The following EXOC7 variants were observed in gnomAD, a reference collection of about 807,000 sequenced individuals.
EXOC7 encodes the protein exocyst complex component Exo70.
Under a neutral mutation model 87.6 loss-of-function variants are expected in EXOC7, and 51 were observed. The ratio of observed to expected loss-of-function variants is 0.58; its 90% CI spans 0.46 to 0.73. The LOEUF (loss-of-function observed/expected upper bound fraction) is 0.73. Among genes scored for constraint, EXOC7 ranks in the 30% least tolerant of loss-of-function variants. EXOC7 has a pLI of 0.00. For missense variants in EXOC7, 744 were observed against 888.4 expected (o/e 0.84, Z 2.07); for synonymous variants, 327 against 357.1 (o/e 0.92, Z 0.95).
At position 76,101,770 on chromosome 17, in the gene EXOC7, G is replaced by A; in HGVS notation, c.220C>T (p.Gln74Ter). Residue 74 changes from glutamine to a stop codon, truncating the protein, a stop_gained, in exon 3 of 19, where the codon CAG becomes TAG. Transcript: ENST00000589210. LOFTEE classifies it high-confidence loss of function. ...HKQTENLQRLQENVEKTLSCL... is the reference protein window; with the variant it reads ...HKQTENLQRL ...GACAGCGTCTTCTCAACATTCTCCT[G>A]CAGCCGCTGCAGATTCTCCGTCTGC... 1 of 1,614,066 alleles carries A rather than the reference G, an allele frequency of 6.2e-7. No homozygotes were observed. Among genetic ancestry groups the A allele is most frequent in the Admixed American group, 1.7e-5 (1 of 60,014 alleles).
At chr17:76,088,714 A>G in intron 9 of EXOC7, 57 bp downstream of exon 9, 1 of 1,607,888 alleles carries the variant, frequency 6.2e-7, no homozygotes, top group Non-Finnish European at 8.5e-7. Context: ...TGGGGCGGCC[A>G]CACCCGGCAG....
chr17:76,097,545 A>G (rs1485356003), intron 5 of EXOC7, among the ~76,000 whole-genome samples: 3 of 151,804 alleles, frequency 2.0e-5, no homozygotes. Flanking sequence ...CTCTACTAAC[A>G]ATACAAAACT....
In EXOC7 at chr17:76,088,459, G is replaced by T; in HGVS notation, c.1299+5C>A. On this transcript the variant is annotated splice_donor_5th_base_variant and intron_variant, in intron 10 of 18. Transcript: ENST00000589210. ...GGGAGGGAGAAAGGGGAGGACAGCA[G>T]GGACCTTGATGTTGTCTGCGAAGTC... 6.2e-7 allele frequency: 1 copy of T among 1,613,044 alleles called. No individual in the cohort carries two copies. The highest frequency in any genetic ancestry group is 8.5e-7 in the Non-Finnish European group (1 of 1,179,340).
Position 76,082,529 on chromosome 17 carries a change from T to C in EXOC7, c.*1119A>G, listed in dbSNP as rs1212982084. On this transcript the variant is annotated 3_prime_UTR_variant, in exon 19 of 19. Coordinates refer to ENST00000589210, the MANE Select transcript of EXOC7 (RefSeq NM_001013839.4). ...GAGACTGCTGACCGCATCTTCTTCC[T>C]CGTGTATGTGGTTGGGGTGCTGTGC... 6.2e-7 allele frequency: 1 copy of C among 1,613,862 alleles called. No individual in the cohort carries two copies. The highest frequency in any genetic ancestry group is 1.1e-5 in the South Asian group (1 of 91,086).
Position 76,094,526 on chromosome 17 carries a change from T to G in EXOC7, c.696A>C (p.Lys232Asn). The G allele has an allele frequency of 2.5e-6, 4 of 1,614,032 alleles. No homozygotes were observed. Among genetic ancestry groups the G allele is most frequent in the Non-Finnish European group, 2.5e-6 (3 of 1,179,972 alleles). The stretch of plus-strand genomic sequence containing the variant: ...TCTTATGGAAATGCTCCTTCAGTCC[T>G]TTGATGGAGCGGTCCAGCTGGCTGG... ...IRSSQLDRSIKGLKEHFHKSS... is the reference protein window; with the variant it reads ...IRSSQLDRSINGLKEHFHKSS... The change falls in exon 6 of 19, where the codon AAA (lysine) becomes AAC (asparagine). Residue 232 changes from lysine (K) to asparagine (N), a missense_variant. Lys to Asn is a moderately conservative substitution (Grantham distance 94, BLOSUM62 0). This residue lies in a region of EXOC7 where 512 missense variants were observed against 573.0 expected (regional missense o/e 0.89). Transcript: ENST00000589210.
chr17:76,089,084 T>C lies in EXOC7; in HGVS notation c.1047+91A>G. The C allele has an allele frequency of 2.0e-6, 3 of 1,523,866 alleles. No homozygotes were observed. In the South Asian group the frequency reaches 3.4e-5, roughly 17 times the overall value. The allele number at this position is 1,523,866 out of a possible 1,614,324, so 94.4% of individuals were successfully genotyped here. A position where few individuals can be genotyped will look rare whatever the true frequency, so the allele number is the denominator to read the frequency against. Reference sequence around the variant, plus strand: ...CAGGACCGGTCCCCAGGGCACGAGGTGGTGGTGGTGGGTGGAGTTGAGGGC... The same window carrying C: ...CAGGACCGGTCCCCAGGGCACGAGGCGGTGGTGGTGGGTGGAGTTGAGGGC... On this transcript the variant is annotated intron_variant, in intron 8 of 18. Coordinates refer to ENST00000589210, the MANE Select transcript of EXOC7 (RefSeq NM_001013839.4).
intron 7 of EXOC7, chr17:76,090,530 C>G: frequency 6.5e-7 from 1 of 1,528,278 alleles, no homozygotes. Flanking sequence ...AAGGGGGCAT[C>G]GGAGAGGGCC....
chr17:76,081,792 TC>T lies in EXOC7; in HGVS notation c.*1855del. 4 of 1,613,246 alleles carry T rather than the reference TC, an allele frequency of 2.5e-6. No homozygotes were observed. The highest frequency in any genetic ancestry group is 3.4e-6 in the Non-Finnish European group (4 of 1,179,456). On this transcript the variant is annotated 3_prime_UTR_variant, in exon 19 of 19. Transcript: ENST00000589210. ...TCCCTTACCCAGTCTGCCCTGTTTC[TC>T]CCCGGTCACCCACTGGTGCTCAGCT...
intron 4 of EXOC7, among the ~76,000 whole-genome samples, chr17:76,098,968 T>C (rs2067921005): frequency 6.6e-6 from 1 of 152,054 alleles, no homozygotes; most frequent in South Asian, 2.1e-4. Context: ...ATAAATAAAT[T>C]GAACAATATC....
At chr17:76,087,762 C>A in intron 11 of EXOC7, 42 bp from the exon 12 acceptor site, 2 of 1,545,892 alleles carry the variant, frequency 1.3e-6, no homozygotes, top group South Asian at 2.4e-5. Context: ...AGTGGCAGGC[C>A]CGGCCGACGG....
chr17:76,085,686 G>A lies in EXOC7; in HGVS notation c.1607C>T (p.Ser536Phe), dbSNP rs868134546. 1 of 1,614,098 alleles carries A rather than the reference G, an allele frequency of 6.2e-7. No individual in the cohort carries two copies. Among genetic ancestry groups the A allele is most frequent in the Non-Finnish European group, 8.5e-7 (1 of 1,180,032 alleles). ...LHNNYNYILK[S>F]LEKSELIQLV... ...CCCGCAGGCCACTTACTTCTCCAGG[G>A]ACTTGAGGATGTAATTGTAGTTGTT... Residue 536 changes from serine to phenylalanine, a missense_variant, in exon 14 of 19, where the codon TCC becomes TTC. By Grantham distance (155) the Ser-to-Phe change is radical. Transcript: ENST00000589210.
intron 12 of EXOC7, chr17:76,087,265 C>A: frequency 5.4e-6 from 2 of 373,000 alleles, no homozygotes; most frequent in South Asian, 6.3e-5. Context: ...AGACGCCCAG[C>A]GGGCCCTGAG....
Position 76,082,618 on chromosome 17 carries a change from G to A in EXOC7, c.*1030C>T, listed in dbSNP as rs779186841. 1.9e-5 allele frequency: 30 copies of A among 1,613,070 alleles called. No homozygotes were observed. In the East Asian group the frequency reaches 2.9e-4, roughly 16 times the overall value. On this transcript the variant is annotated 3_prime_UTR_variant, in exon 19 of 19. Transcript: ENST00000589210. ...GTGCAAGTCTGACGCAGCCCCTGGA[G>A]AGGCTGCACCCCATGGCAGGCGGCC... is the stretch of plus-strand genomic sequence containing the variant.
chr17:76,092,290 T>C (rs2067525714), intron 6 of EXOC7: 1 of 141,744 alleles, frequency 7.1e-6, no homozygotes, highest in African/African-American at 2.8e-5. Flanking sequence ...ACAATTAGCT[T>C]GTTTTTTTTT....
intron 7 of EXOC7, 85 bp from the exon 8 acceptor site, chr17:76,089,405 G>T (rs1051270377): frequency 7.8e-6 from 12 of 1,537,092 alleles, no homozygotes; most frequent in Non-Finnish European, 9.8e-6. Context: ...CCAGCTCCTG[G>T]CCTGTACCCC....
rs2067461936 is a variant in EXOC7 at position 76,091,172 on chromosome 17, T to C, written c.872A>G (p.Lys291Arg). ...QYSQHGLDGKKGGSNLIPLEG... is the reference protein window; with the variant it reads ...QYSQHGLDGKRGGSNLIPLEG... Reference sequence around the variant, plus strand: ...CAGAGGAATGAGGTTAGAGCCCCCCTTTTTCCCATCTAGACCATGCTGGGA... The same window carrying C: ...CAGAGGAATGAGGTTAGAGCCCCCCCTTTTCCCATCTAGACCATGCTGGGA... Residue 291 changes from lysine to arginine, a missense_variant, in exon 7 of 19, where the codon AAG becomes AGG. By Grantham distance (26) the Lys-to-Arg change is conservative. Coordinates refer to ENST00000589210, the MANE Select transcript of EXOC7 (RefSeq NM_001013839.4). 13 of 1,613,494 alleles carry C rather than the reference T, an allele frequency of 8.1e-6. No individual in the cohort carries two copies. The highest frequency in any genetic ancestry group is 1.1e-5 in the South Asian group (1 of 91,078).
intron 7 of EXOC7, chr17:76,090,588 G>A: frequency 3.6e-6 from 4 of 1,113,520 alleles, no homozygotes; most frequent in Non-Finnish European, 5.1e-6. Context: ...GCCGTTTCAA[G>A]CCTGACTTCA....
At position 76,081,270 on chromosome 17, in the gene EXOC7, C is replaced by A. The variant is rs368734285; in HGVS notation, c.*2378G>T. ...TCCTGGTTCATAGTTCTCATTCCCA[C>A]CCCTCAGCGATGGAGTTAGAGTTCC... On this transcript the variant is annotated 3_prime_UTR_variant, in exon 19 of 19. Transcript: ENST00000589210. 2 of 1,613,264 alleles carry A rather than the reference C, an allele frequency of 1.2e-6. No individual in the cohort carries two copies. The highest frequency in any genetic ancestry group is 1.3e-5 in the African/African-American group (1 of 74,908).
At chr17:76,092,016 G>A (rs1467902250) in intron 6 of EXOC7, among the ~76,000 whole-genome samples, 1 of 152,182 alleles carries the variant, frequency 6.6e-6, no homozygotes, top group African/African-American at 2.4e-5. Context: ...CAGCCGCCTG[G>A]GTCAGCCTCC....
Sources: gnomAD v4.1 joint callset for allele counts (sites outside exome capture counted in the v4.1 genomes callset) on GRCh38, gnomAD v4.1.1 for gene constraint, gnomAD v4.1.1 regional missense constraint, MANE v1.5 for transcripts, NCBI Gene and HGNC (gene_info 2026-07-23, HGNC 2026-07-21) for gene names.